Variants in SYCP2 observed in about 807,000 individuals in gnomAD.
The protein encoded by SYCP2 is synaptonemal complex protein 2, also known as synaptonemal complex lateral element protein.
A neutral mutation model predicts 211.3 loss-of-function variants in SYCP2; 55 were observed. The ratio of observed to expected loss-of-function variants is 0.26; its 90% CI spans 0.21 to 0.33. The LOEUF (loss-of-function observed/expected upper bound fraction) is 0.33, where lower values mean the gene tolerates loss of function less well. SYCP2 is among the 10% of genes least tolerant of loss of function. The pLI, the probability that SYCP2 is intolerant of heterozygous loss-of-function variation, is 1.00. For missense variants in SYCP2, 1,731 were observed against 1,752.0 expected, an observed-to-expected ratio of 0.99 and a Z score of 0.21; for synonymous variants, 570 against 555.2, an observed-to-expected ratio of 1.03 and a Z score of -0.37.
At chr20:59,905,654 T>G (rs535965466) in intron 15 of SYCP2, among the ~76,000 whole-genome samples, 55 of 152,284 alleles carry the variant, frequency 3.6e-4, no homozygotes, top group Middle Eastern at 3.4e-3. Context: ...GGTGATATGT[T>G]TATTAACTTA....
At chr20:59,865,690 A>G (rs1266321819) in intron 42 of SYCP2, 39 bp from the exon 43 acceptor site, 2 of 1,400,454 alleles carry the variant, frequency 1.4e-6, no homozygotes, top group African/African-American at 2.9e-5. Context: ...GTATTTATCA[A>G]TAATTCAAAT....
At position 59,867,833 on chromosome 20, in the gene SYCP2, A is replaced by G. The variant is rs138619417; in HGVS notation, c.4003T>C (p.Ser1335Pro). The G allele has an allele frequency of 5.9e-5, 95 of 1,606,828 alleles. 1 individual carries two copies. In the African/African-American group the frequency reaches 1.0e-3, roughly 17 times the overall value. The change falls in exon 39 of 45, where the codon TCT becomes CCT. Residue 1335 changes from serine (S) to proline (P), a missense_variant. Ser to Pro is a moderately conservative substitution (Grantham distance 74). Around this residue, in one of 3 missense-constraint regions of SYCP2, gnomAD observed 1,387 missense variants for 1,351.3 expected, o/e 1.03. Coordinates refer to ENST00000357552, the MANE Select transcript of SYCP2 (RefSeq NM_014258.4). Reference sequence around the variant, plus strand: ...GAAAAGTCATTTGTTGATAATGAAGATACACTTTCAGACACTAAAAAATGA... The same window carrying G: ...GAAAAGTCATTTGTTGATAATGAAGGTACACTTTCAGACACTAAAAAATGA... ...HHIHKMSESV[S>P]SLSTNDFSIP...
chr20:59,867,906 G>A, intron 38 of SYCP2, 59 bp from the exon 39 acceptor site: 2 of 1,273,232 alleles, frequency 1.6e-6, no homozygotes, highest in Non-Finnish European at 2.2e-6. Flanking sequence ...ATTTAGCCTT[G>A]TAATTAGGCT....
At chr20:59,916,909 C>A (rs1297647832) in intron 7 of SYCP2, among the ~76,000 whole-genome samples, 1 of 151,930 alleles carries the variant, frequency 6.6e-6, no homozygotes, top group Non-Finnish European at 1.5e-5. Context: ...AGAGTGAGAC[C>A]CTGTCTCAAA....
At chr20:59,877,800 T>C (rs1371068299) in intron 32 of SYCP2, among the ~76,000 whole-genome samples, 1 of 152,108 alleles carries the variant, frequency 6.6e-6, no homozygotes, top group Non-Finnish European at 1.5e-5. Context: ...AAGTAAAAGA[T>C]TTTAAAAATA....
In SYCP2 at chr20:59,869,956, T is replaced by C; in HGVS notation, c.3583A>G (p.Thr1195Ala). 1.9e-6 allele frequency: 3 copies of C among 1,600,508 alleles called. No individual in the cohort carries two copies. The highest frequency in any genetic ancestry group is 2.6e-6 in the Non-Finnish European group (3 of 1,172,196). Reference protein sequence around the residue: ...LPRHTPTKSNTIVNRKKISSL... With the variant: ...LPRHTPTKSNAIVNRKKISSL... ...CTTATTTTTTTTCTATTTACAATAG[T>C]ATTACTCTTAGTTGGAGTATGTCTG... is the stretch of plus-strand genomic sequence containing the variant. The change falls in exon 36 of 45, where the codon ACT (threonine) becomes GCT (alanine). Residue 1195 changes from threonine to alanine, a missense_variant. This residue lies in a region of SYCP2 where 1,387 missense variants were observed against 1,351.3 expected (regional missense o/e 1.03). Transcript: ENST00000357552.
intron 2 of SYCP2, among the ~76,000 whole-genome samples, chr20:59,924,904 A>G (rs2145893982): frequency 6.6e-6 from 1 of 152,144 alleles, no homozygotes; most frequent in South Asian, 2.1e-4. Flanking sequence ...AAAGGGTAAG[A>G]TAATCTTTTC....
intron 1 of SYCP2, among the ~76,000 whole-genome samples, chr20:59,932,571 G>A (rs2060776545): frequency 6.6e-6 from 1 of 152,148 alleles, no homozygotes; most frequent in African/African-American, 2.4e-5. Flanking sequence ...TTACTCCGGA[G>A]GCTGAAGCAG....
chr20:59,886,738 T>C lies in SYCP2; in HGVS notation c.2461A>G (p.Thr821Ala), dbSNP rs758919712. 59 of 1,578,140 alleles carry C rather than the reference T, an allele frequency of 3.7e-5. No individual in the cohort carries two copies. Among genetic ancestry groups the C allele is most frequent in the South Asian group, 9.4e-5 (8 of 84,952 alleles). ...RYKTKDDIKS[T>A]RKLKESLINS... ...ATCAAAGACTCCTTTAATTTTCTTG[T>C]AGACTTGATGTCATCTTTTGTTTTG... is the stretch of plus-strand genomic sequence containing the variant. Residue 821 changes from threonine (T) to alanine (A), a missense_variant, in exon 25 of 45, where the codon ACA (threonine) becomes GCA (alanine). Thr to Ala is a moderately conservative substitution (Grantham distance 58). Around this residue, in one of 3 missense-constraint regions of SYCP2, gnomAD observed 1,387 missense variants for 1,351.3 expected, o/e 1.03. Coordinates refer to ENST00000357552, the MANE Select transcript of SYCP2 (RefSeq NM_014258.4).
chr20:59,886,062 T>C (rs1415027641), intron 25 of SYCP2, 98 bp from the exon 26 acceptor site: 1 of 954,544 alleles, frequency 1.0e-6, no homozygotes, highest in African/African-American at 1.7e-5. Flanking sequence ...AAATTTATAT[T>C]CAATGTTAAA....
At position 59,893,556 on chromosome 20, in the gene SYCP2, T is replaced by C; in HGVS notation, c.1703A>G (p.Asn568Ser). 1 of 1,609,044 alleles carries C rather than the reference T, an allele frequency of 6.2e-7. No individual in the cohort carries two copies. Among genetic ancestry groups the C allele is most frequent in the South Asian group, 1.1e-5 (1 of 90,506 alleles). The change falls in exon 21 of 45, where the codon AAT (asparagine) becomes AGT (serine). Residue 568 changes from asparagine to serine, a missense_variant. Around this residue, in one of 3 missense-constraint regions of SYCP2, gnomAD observed 1,387 missense variants for 1,351.3 expected, o/e 1.03. Coordinates refer to ENST00000357552, the MANE Select transcript of SYCP2 (RefSeq NM_014258.4). Reference sequence around the variant, plus strand: ...TTGGTTTGGGAATTCAACATTCTTATTTTCTGTGTTTTCTACACACTTAGC... The same window carrying C: ...TTGGTTTGGGAATTCAACATTCTTACTTTCTGTGTTTTCTACACACTTAGC... ...KTAKCVENTE[N>S]KNVEFPNQNF...
intron 33 of SYCP2, among the ~76,000 whole-genome samples, chr20:59,875,981 G>GACA (rs1212163393): frequency 6.6e-6 from 1 of 152,030 alleles, no homozygotes; most frequent in African/African-American, 2.4e-5. Flanking sequence ...CTGAATATCT[G>GACA]ACAATAGAGA....
intron 44 of SYCP2, 47 bp from the exon 45 acceptor site, chr20:59,864,435 T>C (rs2059290008): frequency 5.4e-6 from 7 of 1,296,226 alleles, no homozygotes; most frequent in Non-Finnish European, 7.5e-6. Flanking sequence ...ACATTTTCGC[T>C]GTAAAACCAC....
intron 32 of SYCP2, 132 bp from the exon 33 acceptor site, chr20:59,877,687 TTTAAA>T (rs1283429802): frequency 2.4e-5 from 18 of 758,746 alleles, no homozygotes; most frequent in African/African-American, 3.6e-5. Flanking sequence ...ATTAACATAC[TTTAAA>T]TTAATGGATT....
chr20:59,882,638 ATG>A (rs1208726154), intron 26 of SYCP2, among the ~76,000 whole-genome samples: 6 of 152,140 alleles, frequency 3.9e-5, no homozygotes, highest in African/African-American at 1.4e-4. Flanking sequence ...AGCAACATGG[ATG>A]TAACTGGAGG....
chr20:59,867,681 G>T (rs2059378101), intron 39 of SYCP2, 30 bp downstream of exon 39: 1 of 1,555,280 alleles, frequency 6.4e-7, no homozygotes, highest in African/African-American at 1.4e-5. Context: ...ATATTATTGG[G>T]TATAAATCAT....
At chr20:59,874,096 G>A (rs752779799) in intron 34 of SYCP2, 35 bp from the exon 35 acceptor site, 2 of 1,212,308 alleles carry the variant, frequency 1.6e-6, no homozygotes, top group Admixed American at 2.6e-5. Flanking sequence ...AAAATAGATG[G>A]CAAGCGTTAT....
intron 24 of SYCP2, among the ~76,000 whole-genome samples, chr20:59,887,777 C>T (rs1432551202): frequency 6.6e-6 from 1 of 151,406 alleles, no homozygotes; most frequent in South Asian, 2.1e-4. Context: ...AATTGATAAA[C>T]CTTTAGTCAG....
At chr20:59,910,636 G>C (rs2060302366) in intron 14 of SYCP2, among the ~76,000 whole-genome samples, 1 of 151,456 alleles carries the variant, frequency 6.6e-6, no homozygotes, top group Non-Finnish European at 1.5e-5. Context: ...ACTGAATAAA[G>C]GAACACTGCC....
Sources: gnomAD v4.1 joint callset for allele counts (sites outside exome capture counted in the v4.1 genomes callset) on GRCh38, gnomAD v4.1.1 for gene constraint, gnomAD v4.1.1 regional missense constraint, MANE v1.5 for transcripts, NCBI Gene and HGNC (gene_info 2026-07-23, HGNC 2026-07-21) for gene names.